Variants in SH3RF2 observed in about 807,000 individuals in gnomAD.
SH3RF2 encodes SH3 domain containing ring finger 2.
Under a neutral mutation model 59.0 loss-of-function variants are expected in SH3RF2, and 43 were observed. The observed-to-expected ratio is 0.73, with a 90% CI of 0.57 to 0.94. The LOEUF is 0.94. Ranked by LOEUF, SH3RF2 falls within the 40% of genes least tolerant of loss-of-function variation. The pLI, the probability that SH3RF2 is intolerant of heterozygous loss-of-function variation, is 0.00. For missense variants in SH3RF2, 930 were observed against 940.1 expected (o/e 0.99, Z 0.14); for synonymous variants, 391 against 391.5 (o/e 1.00, Z 0.01).
chr5:146,073,606 G>A (rs566895560), intron 9 of SH3RF2, among the ~76,000 whole-genome samples: 6 of 152,266 alleles, frequency 3.9e-5, no homozygotes, highest in South Asian at 2.1e-4. Flanking sequence ...ATTTAAAGTC[G>A]CAGAATGTTT....
intron 5 of SH3RF2, among the ~76,000 whole-genome samples, chr5:146,029,664 A>G (rs1336011088): frequency 1.3e-5 from 2 of 152,152 alleles, no homozygotes; most frequent in Admixed American, 1.3e-4. Flanking sequence ...AAGAGTTTCT[A>G]CAGAGGGCAC....
At chr5:145,990,164 G>T (rs1759879316) in intron 2 of SH3RF2, among the ~76,000 whole-genome samples, 1 of 151,990 alleles carries the variant, frequency 6.6e-6, no homozygotes, top group South Asian at 2.1e-4. Flanking sequence ...TTATTGTCAG[G>T]GCTCTAGCTA....
chr5:146,056,558 A>C (rs1294733492), intron 8 of SH3RF2, among the ~76,000 whole-genome samples: 1 of 152,156 alleles, frequency 6.6e-6, no homozygotes, highest in Non-Finnish European at 1.5e-5. Flanking sequence ...TATTCCAAGG[A>C]ATCCCTCAGC....
intron 2 of SH3RF2, among the ~76,000 whole-genome samples, chr5:145,972,940 A>G (rs1759144975): frequency 6.6e-6 from 1 of 152,184 alleles, no homozygotes; most frequent in African/African-American, 2.4e-5. Flanking sequence ...TAGAGCTACA[A>G]GAAGAACCAA....
At chr5:146,057,966 C>CTCTCTG (rs796279528) in intron 8 of SH3RF2, among the ~76,000 whole-genome samples, 26 of 72,926 alleles carry the variant, frequency 3.6e-4, no homozygotes, top group African/African-American at 1.0e-3. Context: ...CTCTCTCTCT[C>CTCTCTG]TCTATCTATC....
intron 9 of SH3RF2, among the ~76,000 whole-genome samples, chr5:146,068,403 C>T (rs900141019): frequency 2.6e-5 from 4 of 152,136 alleles, no homozygotes; most frequent in Middle Eastern, 3.2e-3. Flanking sequence ...GGGGCAGTGC[C>T]GGGCCAGCAG....
chr5:146,068,503 C>A (rs528795464), intron 9 of SH3RF2, among the ~76,000 whole-genome samples: 1 of 152,354 alleles, frequency 6.6e-6, no homozygotes, highest in Admixed American at 6.5e-5. Flanking sequence ...CTTCCAGAAA[C>A]CTCTCATCTG....
At chr5:145,980,162 G>C (rs1214978162) in intron 2 of SH3RF2, among the ~76,000 whole-genome samples, 1 of 152,092 alleles carries the variant, frequency 6.6e-6, no homozygotes. Flanking sequence ...GAAAGGCCAG[G>C]GTACCTGATG....
exon 10 of SH3RF2, chr5:146,080,133 A>G (rs1003568818): frequency 6.6e-6 from 1 of 152,206 alleles, no homozygotes; most frequent in Admixed American, 6.5e-5. Flanking sequence ...GGATGTCAGG[A>G]AGGATGCAAG....
chr5:145,980,418 G>T (rs1759465437), intron 2 of SH3RF2, among the ~76,000 whole-genome samples: 1 of 152,112 alleles, frequency 6.6e-6, no homozygotes, highest in African/African-American at 2.4e-5. Flanking sequence ...TCCCATGACA[G>T]TCCACCCCAA....
chr5:145,998,443 G>A (rs970633980), intron 2 of SH3RF2, among the ~76,000 whole-genome samples: 2 of 151,930 alleles, frequency 1.3e-5, no homozygotes, highest in Admixed American at 1.3e-4. Flanking sequence ...AGAAAGATGT[G>A]TTTCCCTCTT....
chr5:146,020,790 AAG>A (rs988675899), intron 5 of SH3RF2, among the ~76,000 whole-genome samples: 1 of 151,972 alleles, frequency 6.6e-6, no homozygotes, highest in African/African-American at 2.4e-5. Context: ...CAAAAAAGAC[AAG>A]AGAGAGAGAG....
chr5:145,977,766 G>T (rs1759349996), intron 2 of SH3RF2, among the ~76,000 whole-genome samples: 1 of 152,210 alleles, frequency 6.6e-6, no homozygotes, highest in South Asian at 2.1e-4. Flanking sequence ...GCTTGAGATA[G>T]GCTCTAATGC....
intron 4 of SH3RF2, among the ~76,000 whole-genome samples, chr5:146,006,662 G>C (rs577904586): frequency 1.3e-5 from 2 of 152,278 alleles, no homozygotes; most frequent in South Asian, 4.2e-4. Flanking sequence ...AATGAAGCCA[G>C]GGAAGTAAAT....
intron 2 of SH3RF2, among the ~76,000 whole-genome samples, chr5:145,972,767 A>C (rs771938359): frequency 1.3e-5 from 2 of 152,152 alleles, no homozygotes; most frequent in Non-Finnish European, 2.9e-5. Context: ...GGCATCATGG[A>C]AAGTCATATG....
intron 5 of SH3RF2, among the ~76,000 whole-genome samples, chr5:146,046,316 G>T: frequency 6.6e-6 from 1 of 152,084 alleles, no homozygotes; most frequent in East Asian, 1.9e-4. Context: ...TGGGCCTTGA[G>T]CAAACATACA....
chr5:145,951,555 T>C (rs1395014668), intron 2 of SH3RF2, among the ~76,000 whole-genome samples: 1 of 152,172 alleles, frequency 6.6e-6, no homozygotes, highest in Non-Finnish European at 1.5e-5. Flanking sequence ...TATGCTTCAG[T>C]CCTCTCACTG....
chr5:146,054,856 G>A (rs1762615528), intron 7 of SH3RF2, among the ~76,000 whole-genome samples: 1 of 152,206 alleles, frequency 6.6e-6, no homozygotes, highest in African/African-American at 2.4e-5. Context: ...GCATCTCTGT[G>A]CCAGGGTCTT....
At chr5:146,036,466 G>T (rs921531367) in intron 5 of SH3RF2, among the ~76,000 whole-genome samples, 2 of 151,976 alleles carry the variant, frequency 1.3e-5, no homozygotes, top group African/African-American at 2.4e-5. Flanking sequence ...AGGCTGAGGC[G>T]GGTGGATCAC....
Sources: gnomAD v4.1 joint callset for allele counts (sites outside exome capture counted in the v4.1 genomes callset) on GRCh38, gnomAD v4.1.1 for gene constraint, MANE v1.5 for transcripts, NCBI Gene and HGNC (gene_info 2026-07-23, HGNC 2026-07-21) for gene names.